The following CENPL variants were observed in gnomAD, a reference collection of about 807,000 sequenced individuals.
CENPL encodes interphase centromere complex protein 33.
A neutral mutation model predicts 35.2 loss-of-function variants in CENPL; 20 were observed. The ratio of observed to expected loss-of-function variants is 0.57; its 90% CI spans 0.40 to 0.83. The LOEUF (loss-of-function observed/expected upper bound fraction) is 0.83. Among genes scored for constraint, CENPL ranks in the 40% least tolerant of loss-of-function variants. The probability of loss-of-function intolerance (pLI) is 0.00; values close to 1 mark genes in which losing one functional copy is unlikely to be tolerated. For missense variants in CENPL, 363 were observed against 395.8 expected (o/e 0.92, Z 0.70); for synonymous variants, 140 against 140.6 (o/e 1.00, Z 0.03).
intron 2 of CENPL, 82 bp from the exon 3 acceptor site, chr1:173,811,388 A>T (rs1256452855): frequency 1.1e-6 from 1 of 935,924 alleles, no homozygotes; most frequent in Non-Finnish European, 1.6e-6. Flanking sequence ...CCTCACTCTA[A>T]AGGAATCCTT....
At chr1:173,811,482 T>C (rs1189872315) in intron 2 of CENPL, among the ~76,000 whole-genome samples, 176 bp from the exon 3 acceptor site, 2 of 152,224 alleles carry the variant, frequency 1.3e-5, no homozygotes, top group Non-Finnish European at 2.9e-5. Flanking sequence ...TAGCCCACTT[T>C]TATGTATATC....
chr1:173,802,699 T>C (rs1350519983), intron 5 of CENPL, among the ~76,000 whole-genome samples: 2 of 152,218 alleles, frequency 1.3e-5, no homozygotes, highest in Non-Finnish European at 2.9e-5. Context: ...CAAGGAACAA[T>C]TCTGAAAGTT....
At chr1:173,811,776 T>C (rs897957832) in intron 2 of CENPL, among the ~76,000 whole-genome samples, 1 of 152,348 alleles carries the variant, frequency 6.6e-6, no homozygotes, top group African/African-American at 2.4e-5. Context: ...TTTCTGCATT[T>C]CCAACTGAGG....
chr1:173,799,612 A>C lies in CENPL; in HGVS notation c.*836T>G, dbSNP rs1649578070. On this transcript the variant is annotated 3_prime_UTR_variant, in exon 6 of 6. Transcript: ENST00000682279. The stretch of plus-strand genomic sequence containing the variant: ...AGGAGTTGAACTGTATTTAAAACAG[A>C]AGCATATTAATGACTAAAAAAATGT... 1 of 152,222 alleles carries C rather than the reference A, an allele frequency of 6.6e-6. No homozygotes were observed. Among genetic ancestry groups the C allele is most frequent in the African/African-American group, 2.4e-5 (1 of 41,456 alleles). The allele number at this position is 152,222 out of a possible 1,614,324, so 9.4% of individuals were successfully genotyped here.
rs568701383 is a variant in CENPL at position 173,814,199 on chromosome 1, T to G, written c.-7-2893A>C. 3.3e-5 allele frequency among the ~76,000 whole-genome samples: 5 copies of G among 152,228 alleles called. No individual in the cohort carries two copies. The East Asian group carries it at 7.7e-4, about 24-fold the overall frequency. ...TTCATAAAGCAGGTCCTTAGAGACCTAGAAAGAGACTTAGACTCCCACACA... is the reference window on the plus strand; with the variant it reads ...TTCATAAAGCAGGTCCTTAGAGACCGAGAAAGAGACTTAGACTCCCACACA... On this transcript the variant is annotated intron_variant, in intron 2 of 5. Transcript: ENST00000682279.
At chr1:173,804,880 T>C (rs1650065159) in intron 4 of CENPL, among the ~76,000 whole-genome samples, 1 of 152,214 alleles carries the variant, frequency 6.6e-6, no homozygotes, top group Non-Finnish European at 1.5e-5. Context: ...TATCATAGCT[T>C]TGTATCATAC....
At chr1:173,812,425 T>A (rs1650927583) in intron 2 of CENPL, among the ~76,000 whole-genome samples, 2 of 152,182 alleles carry the variant, frequency 1.3e-5, no homozygotes, top group Admixed American at 1.3e-4. Flanking sequence ...AGGGGCCGAC[T>A]GACACCTCAC....
chr1:173,807,288 G>A lies in CENPL; in HGVS notation c.399C>T (p.Asp133=). 7 of 1,608,590 alleles carry A rather than the reference G, an allele frequency of 4.4e-6. No homozygotes were observed. The highest frequency in any genetic ancestry group is 6.0e-6 in the Non-Finnish European group (7 of 1,176,424). ...TLLGMKGTQR[D]PEAFLVQIVS... is the part of the protein sequence containing the mutation. The stretch of plus-strand genomic sequence containing the variant: ...ATACCTGGACAAGAAATGCTTCCGG[G>A]TCCCTTTGTGTTCCTTTCATTCCTA... The change falls in exon 4 of 6, where the codon GAC becomes GAT. Residue 133 remains aspartate (D), a synonymous_variant. Transcript: ENST00000682279.
chr1:173,820,488 T>C (rs1651841063), intron 2 of CENPL, among the ~76,000 whole-genome samples: 1 of 152,158 alleles, frequency 6.6e-6, no homozygotes, highest in South Asian at 2.1e-4. Context: ...TGCACTTTAG[T>C]CTGAGCAAGA....
At chr1:173,817,807 T>C (rs1571967099) in intron 2 of CENPL, among the ~76,000 whole-genome samples, 1 of 152,138 alleles carries the variant, frequency 6.6e-6, no homozygotes, top group Non-Finnish European at 1.5e-5. Flanking sequence ...ATATATACCA[T>C]GGAATGCCAT....
chr1:173,813,555 A>G, intron 2 of CENPL, among the ~76,000 whole-genome samples: 2 of 152,218 alleles, frequency 1.3e-5, no homozygotes, highest in Non-Finnish European at 2.9e-5. Context: ...TCAACCCAGA[A>G]TTTCATATCC....
At position 173,799,853 on chromosome 1, in the gene CENPL, ATTTAT is replaced by A. The variant is rs1231466156; in HGVS notation, c.*590_*594del. On this transcript the variant is annotated 3_prime_UTR_variant, in exon 6 of 6. Coordinates refer to ENST00000682279, the MANE Select transcript of CENPL (RefSeq NM_001387287.1). ...TTTAAACATAATAAACGCTGTATTT[ATTTAT>A]TTTATTTCTTTTTTATTTTTTGAGG... The A allele has an allele frequency of 1.3e-5, 2 of 152,054 alleles. No homozygotes were observed. The highest frequency in any genetic ancestry group is 2.9e-5 in the Non-Finnish European group (2 of 67,984). The allele number at this position is 152,054 out of a possible 1,614,324, so 9.4% of individuals were successfully genotyped here. A position where few individuals can be genotyped will look rare whatever the true frequency, so the allele number is the denominator to read the frequency against.
rs560324631 is a variant in CENPL at position 173,824,843 on chromosome 1, G to T, written c.-733C>A. On this transcript the variant is annotated 5_prime_UTR_variant, in exon 1 of 6. Coordinates refer to ENST00000682279, the MANE Select transcript of CENPL (RefSeq NM_001387287.1). ...CCGGTTCTGGCCGCGGGAGCCTCTCGAGAAGCGTGGAAAGAGGAGAAGGGC... is the reference window on the plus strand; with the variant it reads ...CCGGTTCTGGCCGCGGGAGCCTCTCTAGAAGCGTGGAAAGAGGAGAAGGGC... 4.6e-6 allele frequency: 1 copy of T among 217,852 alleles called. No homozygotes were observed. The highest frequency in any genetic ancestry group is 9.5e-6 in the Non-Finnish European group (1 of 105,110). The allele number at this position is 217,852 out of a possible 1,614,324, so 13.5% of individuals were successfully genotyped here.
At chr1:173,803,991 G>GGAAACAT (rs1649995576) in intron 4 of CENPL, among the ~76,000 whole-genome samples, 2 of 151,920 alleles carry the variant, frequency 1.3e-5, no homozygotes, top group Admixed American at 1.3e-4. Context: ...CTTATACAGT[G>GGAAACAT]GAAACATGAT....
At chr1:173,821,054 T>G (rs1651897256) in intron 2 of CENPL, among the ~76,000 whole-genome samples, 1 of 152,220 alleles carries the variant, frequency 6.6e-6, no homozygotes, top group African/African-American at 2.4e-5. Context: ...GCATATTGAA[T>G]TACCTATTTC....
intron 3 of CENPL, 27 bp downstream of exon 3, chr1:173,811,105 T>G (rs377243534): frequency 6.3e-7 from 1 of 1,592,246 alleles, no homozygotes; most frequent in African/African-American, 1.3e-5. Context: ...AATTATTGAC[T>G]AACACAAAGG....
chr1:173,816,760 G>C (rs1000666403), intron 2 of CENPL, among the ~76,000 whole-genome samples: 5 of 152,170 alleles, frequency 3.3e-5, no homozygotes, highest in Admixed American at 2.0e-4. Flanking sequence ...CTATCAATCA[G>C]GACACAGGCA....
At chr1:173,804,457 A>G (rs1290482938) in intron 4 of CENPL, among the ~76,000 whole-genome samples, 2 of 152,256 alleles carry the variant, frequency 1.3e-5, no homozygotes, top group Middle Eastern at 3.2e-3. Context: ...GGAATCATTC[A>G]TAAGTGAATA....
chr1:173,813,495 G>A (rs981179122), intron 2 of CENPL, among the ~76,000 whole-genome samples: 4 of 152,200 alleles, frequency 2.6e-5, no homozygotes, highest in African/African-American at 4.8e-5. Flanking sequence ...AACTCTACAA[G>A]CCAGAAGACA....
Sources: allele counts gnomAD v4.1 joint callset (sites outside exome capture counted in the v4.1 genomes callset), GRCh38; gene constraint gnomAD v4.1.1; transcripts MANE v1.5; gene names NCBI Gene and HGNC (gene_info 2026-07-23, HGNC 2026-07-21).